AKT3: variants seen among roughly 807,000 people sequenced by gnomAD.
AKT3 encodes the protein AKT serine/threonine kinase 3.
Under a neutral mutation model 65.3 loss-of-function variants are expected in AKT3, and 15 were observed. The observed-to-expected ratio is 0.23, with a 90% CI of 0.15 to 0.35. The LOEUF (loss-of-function observed/expected upper bound fraction) is 0.35, where lower values mean the gene tolerates loss of function less well. Ranked by LOEUF, AKT3 falls within the 10% of genes least tolerant of loss-of-function variation. The pLI is 1.00. For missense variants in AKT3, 243 were observed against 576.5 expected, an observed-to-expected ratio of 0.42 and a Z score of 5.92; for synonymous variants, 206 against 183.8, an observed-to-expected ratio of 1.12 and a Z score of -0.98.
chr1:243,722,024 G>A (rs1330459233), intron 2 of AKT3, among the ~76,000 whole-genome samples: 1 of 152,090 alleles, frequency 6.6e-6, no homozygotes, highest in Non-Finnish European at 1.5e-5. Flanking sequence ...AAGGAGCCAA[G>A]CATAAGACAT....
chr1:243,750,860 G>C (rs1276410809), intron 2 of AKT3, among the ~76,000 whole-genome samples: 1 of 151,880 alleles, frequency 6.6e-6, no homozygotes, highest in African/African-American at 2.4e-5. Flanking sequence ...GGGATTACAG[G>C]TATGAGCCAC....
intron 4 of AKT3, among the ~76,000 whole-genome samples, chr1:243,651,633 C>T (rs1449043039): frequency 2.0e-5 from 3 of 152,158 alleles, no homozygotes; most frequent in African/African-American, 7.2e-5. Context: ...AAAGCCTTTT[C>T]TGCATCTATT....
Position 243,545,559 on chromosome 1 carries a change from C to T in AKT3, c.1202G>A (p.Arg401Lys), listed in dbSNP as rs771494754. Residue 401 changes from arginine to lysine, a missense_variant, in exon 12 of 14, where the codon AGA becomes AAA. Arg to Lys is a conservative substitution (Grantham distance 26, BLOSUM62 2). Transcript: ENST00000673466. ...GTTTACTCCAGAGAAGAAACTGTGT[C>T]TCATAATTTCTTTTGCATCATCTGG... ...GGPDDAKEIMRHSFFSGVNWQ... is the reference protein window; with the variant it reads ...GGPDDAKEIMKHSFFSGVNWQ... 2.2e-5 allele frequency: 36 copies of T among 1,612,866 alleles called. No homozygotes were observed. The highest frequency in any genetic ancestry group is 4.0e-5 in the African/African-American group (3 of 74,904).
chr1:243,830,536 C>T (rs551143203), intron 2 of AKT3, among the ~76,000 whole-genome samples: 3 of 152,162 alleles, frequency 2.0e-5, no homozygotes, highest in Non-Finnish European at 4.4e-5. Context: ...GAAAACAGAA[C>T]TTGTTTTATA....
chr1:243,644,125 A>G (rs1572088630), intron 5 of AKT3, among the ~76,000 whole-genome samples: 1 of 152,326 alleles, frequency 6.6e-6, no homozygotes, highest in African/African-American at 2.4e-5. Flanking sequence ...GTCAATATAC[A>G]GCTTATTTCT....
intron 2 of AKT3, among the ~76,000 whole-genome samples, chr1:243,833,544 G>A (rs867813212): frequency 5.3e-5 from 8 of 152,016 alleles, no homozygotes; most frequent in East Asian, 1.9e-4. Context: ...CCCTTGACAC[G>A]TAGGGATTAC....
chr1:243,754,550 C>T (rs139671563), intron 2 of AKT3, among the ~76,000 whole-genome samples: 34 of 152,266 alleles, frequency 2.2e-4, no homozygotes, highest in African/African-American at 7.9e-4. Flanking sequence ...GGAACCAGGC[C>T]ACGCAGCAAG....
In AKT3 at chr1:243,503,337, A is replaced by C. The variant is rs1669452234; in HGVS notation, c.*1912T>G. 4.3e-6 allele frequency: 1 copy of C among 233,618 alleles called. No individual in the cohort carries two copies. The highest frequency in any genetic ancestry group is 8.5e-6 in the Non-Finnish European group (1 of 118,046). The allele number at this position is 233,618 out of a possible 1,614,324, so 14.5% of individuals were successfully genotyped here. On this transcript the variant is annotated 3_prime_UTR_variant, in exon 14 of 14. Coordinates refer to ENST00000673466, the MANE Select transcript of AKT3 (RefSeq NM_005465.7). ...GCTATAAATCCACACTTCCAGCGTC[A>C]AGAGGCTAAGACATCTGCATATGAA...
At chr1:243,647,414 G>A (rs1255082437) in intron 4 of AKT3, among the ~76,000 whole-genome samples, 1 of 152,158 alleles carries the variant, frequency 6.6e-6, no homozygotes, top group Non-Finnish European at 1.5e-5. Context: ...CCTAGGTATG[G>A]GGTGGGCTAT....
At chr1:243,823,093 G>A (rs571838206) in intron 2 of AKT3, among the ~76,000 whole-genome samples, 2 of 152,260 alleles carry the variant, frequency 1.3e-5, no homozygotes, top group East Asian at 3.9e-4. Flanking sequence ...GATCAAGTCA[G>A]CTTCATTCCC....
intron 2 of AKT3, among the ~76,000 whole-genome samples, chr1:243,696,167 GAA>G (rs1261814812): frequency 1.3e-5 from 2 of 150,254 alleles, no homozygotes; most frequent in East Asian, 1.9e-4. Context: ...AAAAAAGAAA[GAA>G]AAAAGTCTAT....
At chr1:243,736,994 T>C (rs1687883576) in intron 2 of AKT3, among the ~76,000 whole-genome samples, 1 of 152,210 alleles carries the variant, frequency 6.6e-6, no homozygotes, top group Admixed American at 6.5e-5. Flanking sequence ...CACTAGTCCC[T>C]TTCTCACAGA....
rs34788254 is a variant in AKT3 at position 243,630,974 on chromosome 1, C to CTTT, written c.561+6634_561+6636dup. Among the ~76,000 whole-genome samples, 517 of 147,740 alleles carry CTTT rather than the reference C, an allele frequency of 3.5e-3. 2 individuals carry two copies. The highest frequency in any genetic ancestry group is 0.012 in the African/African-American group (499 of 40,224). On this transcript the variant is annotated intron_variant, in intron 6 of 13. Transcript: ENST00000673466. ...GTTTCATGTCTCAACCAAATAGCCTCTTTTTTTTTTTTCCATACAGGCATA... is the reference window on the plus strand; with the variant it reads ...GTTTCATGTCTCAACCAAATAGCCTCTTTTTTTTTTTTTTTCCATACAGGCATA...
chr1:243,819,594 G>A (rs1693735038), intron 2 of AKT3, among the ~76,000 whole-genome samples: 1 of 152,240 alleles, frequency 6.6e-6, no homozygotes, highest in Admixed American at 6.5e-5. Context: ...AGGTAGTCCA[G>A]AGGAGTGTGA....
intron 8 of AKT3, among the ~76,000 whole-genome samples, chr1:243,585,985 A>T (rs1187456857): frequency 6.6e-6 from 1 of 152,216 alleles, no homozygotes; most frequent in Non-Finnish European, 1.5e-5. Flanking sequence ...ACTATCTGAC[A>T]AAGGTCTAAT....
chr1:243,593,748 T>C (rs1676402474), intron 8 of AKT3, among the ~76,000 whole-genome samples: 1 of 152,066 alleles, frequency 6.6e-6, no homozygotes, highest in Non-Finnish European at 1.5e-5. Flanking sequence ...TAAAGAAAAG[T>C]CAATGTCCAC....
chr1:243,812,818 T>C (rs563710098), intron 2 of AKT3, among the ~76,000 whole-genome samples: 2 of 152,120 alleles, frequency 1.3e-5, no homozygotes, highest in African/African-American at 2.4e-5. Flanking sequence ...GGCATATATA[T>C]ACCATGGAAT....
At chr1:243,489,120 G>C in intron 13 of AKT3, 2 of 1,612,822 alleles carry the variant, frequency 1.2e-6, no homozygotes, top group Non-Finnish European at 1.7e-6. Context: ...GTCGGAAGAG[G>C]TGGACCGGCT....
At chr1:243,754,943 A>C (rs1300746877) in intron 2 of AKT3, among the ~76,000 whole-genome samples, 5 of 152,240 alleles carry the variant, frequency 3.3e-5, no homozygotes, top group African/African-American at 1.2e-4. Context: ...TGAAGTGAGG[A>C]AACCATTCCA....
Sources: allele counts gnomAD v4.1 joint callset (sites outside exome capture counted in the v4.1 genomes callset), GRCh38; gene constraint gnomAD v4.1.1; transcripts MANE v1.5; gene names NCBI Gene and HGNC (gene_info 2026-07-23, HGNC 2026-07-21).